The following SNRNP200 variants were observed in gnomAD, a reference collection of about 807,000 sequenced individuals.
The protein encoded by SNRNP200 is U5 small nuclear ribonucleoprotein 200 kDa helicase.
Under a neutral mutation model 255.2 loss-of-function variants are expected in SNRNP200, and 66 were observed. The observed-to-expected ratio is 0.26, with a 90% CI of 0.21 to 0.32. The LOEUF is 0.32. Ranked by LOEUF, SNRNP200 falls within the 10% of genes least tolerant of loss-of-function variation. The pLI, the probability that SNRNP200 is intolerant of heterozygous loss-of-function variation, is 1.00. For missense variants in SNRNP200, 1,585 were observed against 2,749.8 expected, an observed-to-expected ratio of 0.58 and a Z score of 9.47; for synonymous variants, 939 against 1,027.8, an observed-to-expected ratio of 0.91 and a Z score of 1.65.
chr2:96,290,095 G>A lies in SNRNP200; in HGVS notation c.2743-99C>T. ...TTAGAAATTAATTCCCAACTACAAG[G>A]ATGCATATTACATCGTATTCTGAAT... On this transcript the variant is annotated intron_variant, in intron 20 of 44. Transcript: ENST00000323853. This position sits in a 1 kb window ranked among gnomAD's most constrained non-coding sequence, Gnocchi z 4.5. 1 of 1,148,290 alleles carries A rather than the reference G, an allele frequency of 8.7e-7. No homozygotes were observed. The highest frequency in any genetic ancestry group is 1.3e-6 in the Non-Finnish European group (1 of 760,196). The allele number at this position is 1,148,290 out of a possible 1,614,324, so 71.1% of individuals were successfully genotyped here.
intron 35 of SNRNP200, chr2:96,279,803 CA>C (rs1684729023): frequency 8.3e-6 from 4 of 483,770 alleles, no homozygotes; most frequent in African/African-American, 2.0e-5. Context: ...AACCAAGCTA[CA>C]AAACTATCTA....
chr2:96,283,105 A>G lies in SNRNP200; in HGVS notation c.4915+96T>C. The G allele has an allele frequency of 6.9e-7, 1 of 1,455,484 alleles. No homozygotes were observed. The highest frequency in any genetic ancestry group is 2.3e-5 in the East Asian group (1 of 44,178). The allele number at this position is 1,455,484 out of a possible 1,614,324, so 90.2% of individuals were successfully genotyped here. ...AAACAGTATTTTGAAAATCTCTGGT[A>G]TGCTGTAGAGAAAACACTGCCACCC... On this transcript the variant is annotated intron_variant, in intron 34 of 44. Coordinates refer to ENST00000323853, the MANE Select transcript of SNRNP200 (RefSeq NM_014014.5). This position sits in a 1 kb window ranked among gnomAD's most constrained non-coding sequence, Gnocchi z 4.7.
rs567024346 is a variant in SNRNP200 at position 96,284,239 on chromosome 2, G to A, written c.4392+119C>T. The A allele has an allele frequency of 1.3e-5, 12 of 941,976 alleles. No individual in the cohort carries two copies. The African/African-American group carries it at 1.9e-4, about 15-fold the overall frequency. 58.4% of individuals were successfully genotyped at this position (941,976 alleles called of 1,614,324 possible). A position where few individuals can be genotyped will look rare whatever the true frequency, so the allele number is the denominator to read the frequency against. ...ATTGTCCCTTTGGAATAGGGCAGCA[G>A]GTAGAATCCTCTGGGGAGAAGCCCC... On this transcript the variant is annotated intron_variant, in intron 31 of 44. Transcript: ENST00000323853.
chr2:96,298,310 C>T lies in SNRNP200; in HGVS notation c.1093G>A (p.Glu365Lys). The change falls in exon 9 of 45, where the codon GAA becomes AAA. Residue 365 changes from glutamate (E) to lysine (K), a missense_variant. This residue lies in a region of SNRNP200 where 383 missense variants were observed against 645.3 expected (regional missense o/e 0.59). Transcript: ENST00000323853. The stretch of plus-strand genomic sequence containing the variant: ...CGGATCAGATCCTCCTTCTCGGTTT[C>T]ATGAAGCTGGTAGAGGAACTTGGAT... ...ELSKFLYQLH[E>K]TEKEDLIREE... 1 of 1,614,228 alleles carries T rather than the reference C, an allele frequency of 6.2e-7. No individual in the cohort carries two copies. The highest frequency in any genetic ancestry group is 8.5e-7 in the Non-Finnish European group (1 of 1,180,046).
chr2:96,288,256 A>G lies in SNRNP200; in HGVS notation c.3259-287T>C, dbSNP rs561806889. ...TGAGTCATTTAGCATTTAGAGTTCT[A>G]GGAAGAGTTGAGGGTACCAGTGACC... On this transcript the variant is annotated intron_variant, in intron 24 of 44. Transcript: ENST00000323853. Among the ~76,000 whole-genome samples the G allele has an allele frequency of 1.2e-4, 19 of 152,352 alleles. No individual in the cohort carries two copies. The East Asian group carries it at 3.3e-3, about 26-fold the overall frequency.
At chr2:96,281,207 C>T (rs1042078454) in intron 35 of SNRNP200, 14 of 135,376 alleles carry the variant, frequency 1.0e-4, no homozygotes, top group African/African-American at 3.9e-4. Context: ...CACTCTGTTG[C>T]CCAGGCTAGA....
In SNRNP200 at chr2:96,287,677, C is replaced by A; in HGVS notation, c.3366-120G>T. On this transcript the variant is annotated intron_variant, in intron 25 of 44. Transcript: ENST00000323853. The surrounding 1 kb of genome is among the most constrained non-coding windows in gnomAD (Gnocchi z 5.7). ...AAAACACAGTCATTAAAGGCAGACA[C>A]TGACACTGTGCCAGCCCTGGCCTCC... is the stretch of plus-strand genomic sequence containing the variant. The A allele has an allele frequency of 1.1e-6, 1 of 943,648 alleles. No homozygotes were observed. The highest frequency in any genetic ancestry group is 1.8e-6 in the Non-Finnish European group (1 of 569,582). The allele number at this position is 943,648 out of a possible 1,614,324, so 58.5% of individuals were successfully genotyped here.
Position 96,285,309 on chromosome 2 carries a change from G to A in SNRNP200, c.4035C>T (p.Asn1345=), listed in dbSNP as rs772328781. The A allele has an allele frequency of 2.4e-5, 39 of 1,614,036 alleles. No homozygotes were observed. In the Admixed American group the frequency reaches 2.8e-4, roughly 12 times the overall value. ...TGCCCGTGGGGGCCCCCACAAACAC[G>A]TTGTCGTCACTGTTGTATACAGTGT... The part of the protein sequence containing the change: ...VFNTVYNSDD[N]VFVGAPTGSG... The change falls in exon 30 of 45, where the codon AAC becomes AAT. Residue 1345 remains asparagine, a synonymous_variant. Coordinates refer to ENST00000323853, the MANE Select transcript of SNRNP200 (RefSeq NM_014014.5).
intron 31 of SNRNP200, 62 bp downstream of exon 31, chr2:96,284,296 C>T: frequency 4.9e-6 from 7 of 1,437,880 alleles, no homozygotes; most frequent in Non-Finnish European, 5.9e-6. Context: ...AACATTAGGT[C>T]CAATGCCAAG....
In SNRNP200 at chr2:96,305,333, C is replaced by G. The variant is rs987934838; in HGVS notation, c.45+60G>C. On this transcript the variant is annotated intron_variant, in intron 1 of 44. Transcript: ENST00000323853. ...GCCTTCAGACTGAAACTCCCTTTTT[C>G]AGCCTCCCCCTCCCCATTGGACTCC... The G allele has an allele frequency of 8.7e-6, 14 of 1,606,566 alleles. No homozygotes were observed. The Admixed American group carries it at 2.3e-4, about 27-fold the overall frequency.
At position 96,283,002 on chromosome 2, in the gene SNRNP200, G is replaced by A. The variant is rs1045963411; in HGVS notation, c.4915+199C>T. The A allele has an allele frequency of 1.3e-5, 9 of 682,824 alleles. No individual in the cohort carries two copies. The African/African-American group carries it at 1.6e-4, about 12-fold the overall frequency. 42.3% of individuals were successfully genotyped at this position (682,824 alleles called of 1,614,324 possible). A position where few individuals can be genotyped will look rare whatever the true frequency, so the allele number is the denominator to read the frequency against. ...ATGTGTCTGCCTGTTTTCTCACCTG[G>A]CAAGTAGGGATAGTGTTTGTCTCAC... On this transcript the variant is annotated intron_variant, in intron 34 of 44. Coordinates refer to ENST00000323853, the MANE Select transcript of SNRNP200 (RefSeq NM_014014.5). The surrounding 1 kb of genome is among the most constrained non-coding windows in gnomAD (Gnocchi z 4.7).
rs754294342 is a variant in SNRNP200 at position 96,277,230 on chromosome 2, A to G, written c.5943T>C (p.Ser1981=). The G allele has an allele frequency of 5.7e-5, 92 of 1,613,760 alleles. 1 individual carries two copies. The East Asian group carries it at 2.0e-3, about 35-fold the overall frequency. The change falls in exon 42 of 45, where the codon AGT becomes AGC. Residue 1981 remains serine (S), a synonymous_variant. Transcript: ENST00000323853. The surrounding 1 kb of genome is among the most constrained non-coding windows in gnomAD (Gnocchi z 4.4). The stretch of plus-strand genomic sequence containing the variant: ...CCTCCATCTCCATGATGTCGAAAAC[A>G]CTCTCCACTCCCTGCAGTGAGTATT... ...IKRCTDKGVE[S]VFDIMEMEDE...
At chr2:96,303,517 A>T (rs1274308129) in intron 2 of SNRNP200, among the ~76,000 whole-genome samples, 187 bp from the exon 3 acceptor site, 1 of 152,184 alleles carries the variant, frequency 6.6e-6, no homozygotes, top group African/African-American at 2.4e-5. Context: ...TATGGGACAC[A>T]GTGACAAAAA....
intron 30 of SNRNP200, 121 bp from the exon 31 acceptor site, chr2:96,284,706 A>G: frequency 1.3e-6 from 1 of 748,232 alleles, no homozygotes; most frequent in East Asian, 2.6e-5. Context: ...GCTACGTTCT[A>G]ATCCCATAGC....
rs759448209 is a variant in SNRNP200 at position 96,289,881 on chromosome 2, C to T, written c.2858G>A (p.Arg953Gln). Reference protein sequence around the residue: ...LKGDPLLDQRRLDLVHTAALM... With the variant: ...LKGDPLLDQRQLDLVHTAALM... ...GGCAGCTGTATGAACCAGATCTAGT[C>T]GGCGCTGGTCCAGCAGGGGATCTCC... The change falls in exon 21 of 45, where the codon CGA becomes CAA. Residue 953 changes from arginine to glutamine, a missense_variant. Coordinates refer to ENST00000323853, the MANE Select transcript of SNRNP200 (RefSeq NM_014014.5). The T allele has an allele frequency of 5.9e-5, 95 of 1,614,128 alleles. No individual in the cohort carries two copies. The highest frequency in any genetic ancestry group is 1.7e-4 in the Middle Eastern group (1 of 6,060).
chr2:96,291,974 G>A lies in SNRNP200; in HGVS notation c.2161-74C>T. ...AGGGCACCTGCAGCAGGAAGCAGAAGTTGCACCATCACCACCAGAAGCCAA... is the reference window on the plus strand; with the variant it reads ...AGGGCACCTGCAGCAGGAAGCAGAAATTGCACCATCACCACCAGAAGCCAA... On this transcript the variant is annotated intron_variant, in intron 16 of 44. Coordinates refer to ENST00000323853, the MANE Select transcript of SNRNP200 (RefSeq NM_014014.5). This position sits in a 1 kb window ranked among gnomAD's most constrained non-coding sequence, Gnocchi z 4.2. 1 of 1,550,214 alleles carries A rather than the reference G, an allele frequency of 6.5e-7. No homozygotes were observed. Among genetic ancestry groups the A allele is most frequent in the South Asian group, 1.1e-5 (1 of 89,584 alleles).
chr2:96,304,661 G>C, intron 2 of SNRNP200, 44 bp downstream of exon 2: 3 of 1,612,160 alleles, frequency 1.9e-6, no homozygotes, highest in Admixed American at 1.7e-5. Flanking sequence ...AAAGGGAAGA[G>C]ACTTTGGATC....
rs777911861 is a variant in SNRNP200 at position 96,283,404 on chromosome 2, C to T, written c.4764-52G>A. 1.5e-5 allele frequency: 24 copies of T among 1,613,436 alleles called. No individual in the cohort carries two copies. The Admixed American group carries it at 2.8e-4, about 19-fold the overall frequency. On this transcript the variant is annotated intron_variant, in intron 33 of 44. Coordinates refer to ENST00000323853, the MANE Select transcript of SNRNP200 (RefSeq NM_014014.5). The surrounding 1 kb of genome is among the most constrained non-coding windows in gnomAD (Gnocchi z 4.7). ...TCAGAGTAGTTCAATTCCTGGCAGA[C>T]ACTTTGCCAGCTGTGCAGAACCTGG...
intron 31 of SNRNP200, 85 bp downstream of exon 31, chr2:96,284,273 G>A (rs2063827646): frequency 9.7e-6 from 12 of 1,232,158 alleles, no homozygotes; most frequent in South Asian, 4.9e-5. Context: ...CCGAGCCTCC[G>A]TCCTCAGACC....
Sources: allele counts gnomAD v4.1 joint callset (sites outside exome capture counted in the v4.1 genomes callset), GRCh38; gene constraint gnomAD v4.1.1; regional missense constraint gnomAD v4.1.1; non-coding constraint Gnocchi (gnomAD v3.1); transcripts MANE v1.5; gene names NCBI Gene and HGNC (gene_info 2026-07-23, HGNC 2026-07-21).